The following DOCK1 variants were observed in gnomAD, a reference collection of about 807,000 sequenced individuals.
DOCK1 encodes the protein dedicator of cytokinesis protein 1.
A neutral mutation model predicts 262.7 loss-of-function variants in DOCK1; 138 were observed. The ratio of observed to expected loss-of-function variants is 0.53; its 90% confidence interval spans 0.46 to 0.61. The LOEUF is 0.61. Ranked by LOEUF, DOCK1 falls within the 20% of genes least tolerant of loss-of-function variation. The pLI, the probability that DOCK1 is intolerant of heterozygous loss-of-function variation, is 0.00. For missense variants in DOCK1, 1,908 were observed against 2,370.7 expected (o/e 0.80, Z 4.05); for synonymous variants, 866 against 867.4 (o/e 1.00, Z 0.03).
chr10:127,406,534 C>T (rs1002343253), intron 40 of DOCK1, among the ~76,000 whole-genome samples: 1 of 152,190 alleles, frequency 6.6e-6, no homozygotes, highest in Non-Finnish European at 1.5e-5. Context: ...GCCAATGACA[C>T]TGGCAGTTAC....
At chr10:127,059,208 T>C (rs948288790) in intron 22 of DOCK1, among the ~76,000 whole-genome samples, 1 of 152,194 alleles carries the variant, frequency 6.6e-6, no homozygotes, top group Non-Finnish European at 1.5e-5. Flanking sequence ...TTAAATGGTA[T>C]TATTTTCTTT....
chr10:127,345,986 G>A (rs1047055597), intron 31 of DOCK1, among the ~76,000 whole-genome samples: 1 of 152,164 alleles, frequency 6.6e-6, no homozygotes, highest in South Asian at 2.1e-4. Context: ...CACCAGGTGC[G>A]GACACACCTC....
intron 18 of DOCK1, among the ~76,000 whole-genome samples, chr10:127,032,880 A>G (rs2043336727): frequency 6.6e-6 from 1 of 152,220 alleles, no homozygotes; most frequent in African/African-American, 2.4e-5. Context: ...AGGGAGATAA[A>G]GCAATGGATT....
chr10:127,282,204 GTTCTCTCTCTCTCT>G (rs1358040967), intron 29 of DOCK1, among the ~76,000 whole-genome samples: 15 of 151,968 alleles, frequency 9.9e-5, no homozygotes, highest in Non-Finnish European at 1.8e-4. Flanking sequence ...GCACTCTTGT[GTTCTCTCTCTCTCT>G]TTCTCTCTCT....
chr10:127,152,918 G>A lies in DOCK1; in HGVS notation c.2847+25154G>A, dbSNP rs182399072. 1.9e-4 allele frequency among the ~76,000 whole-genome samples: 29 copies of A among 152,262 alleles called. No individual in the cohort carries two copies. The East Asian group carries it at 5.0e-3, about 26-fold the overall frequency. On this transcript the variant is annotated intron_variant, in intron 27 of 51. Transcript: ENST00000623213. ...CTCTGTCTGGATCGGAGGCATGGACGGCCAGGTCTAGGCTTTCCCTTGGGA... is the reference window on the plus strand; with the variant it reads ...CTCTGTCTGGATCGGAGGCATGGACAGCCAGGTCTAGGCTTTCCCTTGGGA...
In DOCK1 at chr10:126,995,447, G is replaced by T. The variant is rs12414357; in HGVS notation, c.474-1301G>T. ...CACGGTCAGGAGCTGGAGACCAGCC[G>T]GGCCAACCCGGTGAAACCCCGTCTC... is the stretch of plus-strand genomic sequence containing the variant. On this transcript the variant is annotated intron_variant, in intron 6 of 51. Transcript: ENST00000623213. This position sits in a 1 kb window ranked among gnomAD's most constrained non-coding sequence, Gnocchi z 5.8. Among the ~76,000 whole-genome samples the T allele has an allele frequency of 1.3e-5, 2 of 152,108 alleles. No homozygotes were observed. The highest frequency in any genetic ancestry group is 4.8e-5 in the African/African-American group (2 of 41,438).
intron 21 of DOCK1, among the ~76,000 whole-genome samples, chr10:127,044,703 A>G (rs1029017232): frequency 6.6e-6 from 1 of 152,132 alleles, no homozygotes; most frequent in Non-Finnish European, 1.5e-5. Flanking sequence ...TCAGAAGATG[A>G]GAGGCATGAA....
At chr10:127,336,786 A>T (rs56098339) in intron 29 of DOCK1, among the ~76,000 whole-genome samples, 3 of 151,970 alleles carry the variant, frequency 2.0e-5, no homozygotes, top group Admixed American at 6.6e-5. Flanking sequence ...TGATTCACCC[A>T]CCTTGGCCTC....
At chr10:127,340,864 C>G (rs1409476958) in intron 30 of DOCK1, among the ~76,000 whole-genome samples, 1 of 152,122 alleles carries the variant, frequency 6.6e-6, no homozygotes, top group East Asian at 1.9e-4. Flanking sequence ...TCCTAACATT[C>G]GTATTTGGCT....
At chr10:127,420,751 A>G (rs1222850662) in intron 46 of DOCK1, among the ~76,000 whole-genome samples, 1 of 151,746 alleles carries the variant, frequency 6.6e-6, no homozygotes, top group East Asian at 2.0e-4. Context: ...AGGCAGGAGA[A>G]TCGCTTGAAC....
intron 35 of DOCK1, among the ~76,000 whole-genome samples, chr10:127,379,296 G>C (rs192411146): frequency 8.3e-4 from 126 of 152,316 alleles, no homozygotes; most frequent in African/African-American, 2.7e-3. Context: ...TAAATATGTA[G>C]AAATAATCCA....
chr10:127,064,421 T>C lies in DOCK1; in HGVS notation c.2445+2645T>C, dbSNP rs11018409. Among the ~76,000 whole-genome samples, 1,014 of 152,332 alleles carry C rather than the reference T, an allele frequency of 6.7e-3. 5 individuals are homozygous for C. Among genetic ancestry groups the C allele is most frequent in the Middle Eastern group, 0.014 (4 of 294 alleles). On this transcript the variant is annotated intron_variant, in intron 23 of 51. Transcript: ENST00000623213. ...CAGGAGGAACTTCAGAAGTAATTTA[T>C]TGCAGGATAAGCATGGTCTCCAGCT...
intron 23 of DOCK1, among the ~76,000 whole-genome samples, chr10:127,090,937 C>T (rs2047487053): frequency 6.6e-6 from 1 of 150,880 alleles, no homozygotes; most frequent in Non-Finnish European, 1.5e-5. Flanking sequence ...GCGTATAGAG[C>T]TGCTATGAGC....
chr10:127,034,202 T>G (rs2135550296), intron 18 of DOCK1, among the ~76,000 whole-genome samples: 1 of 152,260 alleles, frequency 6.6e-6, no homozygotes, highest in East Asian at 1.9e-4. Context: ...GAGAGAGGTT[T>G]AATGTACAGT....
intron 1 of DOCK1, among the ~76,000 whole-genome samples, chr10:126,918,003 G>A (rs569808459): frequency 6.6e-6 from 1 of 152,338 alleles, no homozygotes; most frequent in South Asian, 2.1e-4. Flanking sequence ...ATCTGGACGA[G>A]AGAGACTCAG....
Position 126,963,620 on chromosome 10 carries a change from CT to C in DOCK1, c.47-7080del, listed in dbSNP as rs2037412978. On this transcript the variant is annotated intron_variant, in intron 1 of 51. Coordinates refer to ENST00000623213, the MANE Select transcript of DOCK1 (RefSeq NM_001290223.2). ...CTTCCCTTCCCTTCCCTTCCCTTCC[CT>C]TCCCTTCCCTTCCCTTCCCTCCTTC... 5.2e-4 allele frequency among the ~76,000 whole-genome samples: 38 copies of C among 72,720 alleles called. 2 individuals carry two copies. The highest frequency in any genetic ancestry group is 2.6e-3 in the African/African-American group (32 of 12,544). 47.7% of individuals were successfully genotyped at this position (72,720 alleles called of 152,430 possible).
chr10:127,320,012 G>T (rs1235874682), intron 29 of DOCK1, among the ~76,000 whole-genome samples: 2 of 152,156 alleles, frequency 1.3e-5, no homozygotes, highest in African/African-American at 4.8e-5. Context: ...ATAGGCCATG[G>T]AATCTGCCTC....
Position 127,367,737 on chromosome 10 carries a change from C to T in DOCK1, c.3432+5525C>T, listed in dbSNP as rs868197737. 7.9e-5 allele frequency among the ~76,000 whole-genome samples: 12 copies of T among 152,276 alleles called. No homozygotes were observed. In the Middle Eastern group the frequency reaches 0.01, roughly 129 times the overall value. On this transcript the variant is annotated intron_variant, in intron 33 of 51. Coordinates refer to ENST00000623213, the MANE Select transcript of DOCK1 (RefSeq NM_001290223.2). ...GGTCCATAGCCATAGAGCTCCGGTC[C>T]GTTGACAGGAAGGCGTTCCCAGCGA...
At chr10:127,146,771 C>T (rs189764910) in intron 27 of DOCK1, among the ~76,000 whole-genome samples, 20 of 152,276 alleles carry the variant, frequency 1.3e-4, no homozygotes, top group Non-Finnish European at 2.4e-4. Context: ...AAGAGATAAT[C>T]GCTGAATGAC....
Sources: gnomAD v4.1 joint callset for allele counts (sites outside exome capture counted in the v4.1 genomes callset) on GRCh38, gnomAD v4.1.1 for gene constraint, Gnocchi (gnomAD v3.1) non-coding constraint, MANE v1.5 for transcripts, NCBI Gene and HGNC (gene_info 2026-07-23, HGNC 2026-07-21) for gene names.